SETD1A: variants seen among roughly 807,000 people sequenced by gnomAD.
The protein encoded by SETD1A is histone-lysine N-methyltransferase SETD1A.
A neutral mutation model predicts 149.9 loss-of-function variants in SETD1A; 29 were observed. The observed-to-expected ratio is 0.19, with a 90% confidence interval of 0.14 to 0.26. The LOEUF is 0.26. Ranked by LOEUF, SETD1A falls within the 10% of genes least tolerant of loss-of-function variation. The pLI is 1.00. For missense variants in SETD1A, 2,109 were observed against 2,353.1 expected (o/e 0.90, Z 2.15); for synonymous variants, 1,141 against 968.5 (o/e 1.18, Z -3.31).
chr16:30,979,988 G>GGCCC lies in SETD1A; in HGVS notation c.4202_4203insGCCC (p.Arg1402ProfsTer20). ...AGCCTCCGCTCCCACGCCCGGCGCC[G>GGCCC]CCGCCCTCCGCCCCCACCCCCGCCG... On this transcript the variant is annotated frameshift_variant, in exon 14 of 19. Coordinates refer to ENST00000262519, the MANE Select transcript of SETD1A (RefSeq NM_014712.3). LOFTEE classifies it high-confidence loss of function. 1 of 1,494,244 alleles carries GGCCC rather than the reference G, an allele frequency of 6.7e-7. No individual in the cohort carries two copies. Among genetic ancestry groups the GGCCC allele is most frequent in the Non-Finnish European group, 8.9e-7 (1 of 1,126,962 alleles). 92.6% of individuals were successfully genotyped at this position (1,494,244 alleles called of 1,614,324 possible).
intron 2 of SETD1A, 44 bp downstream of exon 2, chr16:30,958,925 G>T: frequency 1.2e-6 from 2 of 1,609,090 alleles, no homozygotes; most frequent in South Asian, 2.2e-5. Context: ...AGCTCCAGGC[G>T]CCCGTCCTCT....
At chr16:30,960,932 A>G (rs1433227053) in intron 3 of SETD1A, among the ~76,000 whole-genome samples, 3 of 151,276 alleles carry the variant, frequency 2.0e-5, no homozygotes, top group African/African-American at 4.9e-5. Context: ...TAGTAGAGAC[A>G]GGGTTTTATC....
At position 30,964,824 on chromosome 16, in the gene SETD1A, G is replaced by C; in HGVS notation, c.1082G>C (p.Ser361Thr). Residue 361 changes from serine (S) to threonine (T), a missense_variant, in exon 7 of 19, where the codon AGT (serine) becomes ACT (threonine). Physicochemically the swap from Ser to Thr is moderately conservative, Grantham distance 58. Coordinates refer to ENST00000262519, the MANE Select transcript of SETD1A (RefSeq NM_014712.3). ...TCCTCCTCGTCCTCTCAGTTTCGTAGTTCTGATGCAAACTACCCAGCGTAT... is the reference window on the plus strand; with the variant it reads ...TCCTCCTCGTCCTCTCAGTTTCGTACTTCTGATGCAAACTACCCAGCGTAT... ...SSSSSSSQFR[S>T]SDANYPAYYE... The C allele has an allele frequency of 6.2e-7, 1 of 1,614,096 alleles. No homozygotes were observed. The highest frequency in any genetic ancestry group is 8.5e-7 in the Non-Finnish European group (1 of 1,180,014).
In SETD1A at chr16:30,980,709, C is replaced by T; in HGVS notation, c.4582-30C>T. Reference sequence around the variant, plus strand: ...TCCTGCCACTCACTTCCCTGCCCTGCTCACCTCCTCCCTGCCGTGTGTCTC... The same window carrying T: ...TCCTGCCACTCACTTCCCTGCCCTGTTCACCTCCTCCCTGCCGTGTGTCTC... On this transcript the variant is annotated intron_variant, in intron 15 of 18. Coordinates refer to ENST00000262519, the MANE Select transcript of SETD1A (RefSeq NM_014712.3). The surrounding 1 kb of genome is among the most constrained non-coding windows in gnomAD (Gnocchi z 7.7). 6.2e-7 allele frequency: 1 copy of T among 1,611,108 alleles called. No homozygotes were observed. The highest frequency in any genetic ancestry group is 8.5e-7 in the Non-Finnish European group (1 of 1,179,062).
chr16:30,961,564 G>A lies in SETD1A; in HGVS notation c.517+27G>A. 1 of 1,608,746 alleles carries A rather than the reference G, an allele frequency of 6.2e-7. No homozygotes were observed. ...TGAGGACTCCTCTGCCTGCCACTCA[G>A]GCTTGGCCTCCAGCGGAGGTTGTAC... On this transcript the variant is annotated intron_variant, in intron 4 of 18. Transcript: ENST00000262519. This position sits in a 1 kb window ranked among gnomAD's most constrained non-coding sequence, Gnocchi z 4.0.
rs150728823 is a variant in SETD1A at position 30,979,644 on chromosome 16, C to A, written c.3858C>A (p.Ala1286=). 2 of 1,610,210 alleles carry A rather than the reference C, an allele frequency of 1.2e-6. No homozygotes were observed. The highest frequency in any genetic ancestry group is 1.7e-6 in the Non-Finnish European group (2 of 1,179,722). The part of the protein sequence containing the change: ...DSEATETSDE[A]ERPRPLLSHI... Reference sequence around the variant, plus strand: ...AGGCCACAGAGACATCGGACGAGGCCGAGCGCCCTAGGCCCCTGCTCAGCC... The same window carrying A: ...AGGCCACAGAGACATCGGACGAGGCAGAGCGCCCTAGGCCCCTGCTCAGCC... The change falls in exon 14 of 19, where the codon GCC becomes GCA. Residue 1286 remains alanine, a synonymous_variant. Transcript: ENST00000262519.
chr16:30,965,092 C>A lies in SETD1A; in HGVS notation c.1350C>A (p.Ser450Arg). ...GAGGCGGGGGTGGAGGAGGGCCCAG[C>A]CCTGAGAGAGAAGAAGTTCGGACTT... The part of the protein sequence containing the change: ...PGGGGGGGGP[S>R]PEREEVRTSP... The change falls in exon 7 of 19, where the codon AGC (serine) becomes AGA (arginine). Residue 450 changes from serine to arginine, a missense_variant. By Grantham distance (110) the Ser-to-Arg change is moderately radical (BLOSUM62 -1). This residue lies in a region of SETD1A where 410 missense variants were observed against 394.8 expected (regional missense o/e 1.04). Coordinates refer to ENST00000262519, the MANE Select transcript of SETD1A (RefSeq NM_014712.3). 1 of 1,611,482 alleles carries A rather than the reference C, an allele frequency of 6.2e-7. No homozygotes were observed. Among genetic ancestry groups the A allele is most frequent in the Non-Finnish European group, 8.5e-7 (1 of 1,179,868 alleles).
chr16:30,963,064 G>A (rs923197247), intron 4 of SETD1A, among the ~76,000 whole-genome samples: 1 of 152,222 alleles, frequency 6.6e-6, no homozygotes, highest in Non-Finnish European at 1.5e-5. Flanking sequence ...TAAAGAGCAT[G>A]GGGTGATCGA....
chr16:30,970,328 T>C (rs1205712795), intron 12 of SETD1A, among the ~76,000 whole-genome samples: 1 of 148,016 alleles, frequency 6.8e-6, no homozygotes. Context: ...AGTGCAGTGA[T>C]GTGATCTTGG....
chr16:30,972,747 G>A (rs759814887), intron 13 of SETD1A, among the ~76,000 whole-genome samples: 6 of 151,704 alleles, frequency 4.0e-5, no homozygotes, highest in Non-Finnish European at 7.4e-5. Flanking sequence ...CCAGCTGCTC[G>A]GGAGGCTGAG....
Position 30,979,229 on chromosome 16 carries a change from A to T in SETD1A, c.3443A>T (p.Asp1148Val). ...AGPPAPAPRP[D>V]ERPSSPIPLL... ...CCCCCGGCCCCTGCCCCACGCCCCG[A>T]TGAGCGTCCCTCTTCTCCCATCCCC... Residue 1148 changes from aspartate (D) to valine (V), a missense_variant, in exon 14 of 19, where the codon GAT (aspartate) becomes GTT (valine). Asp to Val is a radical substitution (Grantham distance 152). Transcript: ENST00000262519. The T allele has an allele frequency of 2.4e-6, 3 of 1,275,224 alleles. No homozygotes were observed. The highest frequency in any genetic ancestry group is 7.6e-5 in the East Asian group (2 of 26,292). 79.0% of individuals were successfully genotyped at this position (1,275,224 alleles called of 1,614,324 possible).
chr16:30,964,518 G>T, intron 6 of SETD1A, 94 bp from the exon 7 acceptor site: 1 of 1,538,042 alleles, frequency 6.5e-7, no homozygotes, highest in East Asian at 2.3e-5. Flanking sequence ...TCTTTTGGAG[G>T]GCAGCATAGA....
chr16:30,972,790 G>T (rs939423796), intron 13 of SETD1A, among the ~76,000 whole-genome samples: 1 of 151,048 alleles, frequency 6.6e-6, no homozygotes, highest in East Asian at 1.9e-4. Context: ...GGAGGCAGAG[G>T]TTGTAGTGAG....
At chr16:30,973,046 C>G (rs1352901147) in intron 13 of SETD1A, among the ~76,000 whole-genome samples, 1 of 152,090 alleles carries the variant, frequency 6.6e-6, no homozygotes, top group Non-Finnish European at 1.5e-5. Flanking sequence ...GGCCCTCCAG[C>G]AGGGGAAGCA....
intron 1 of SETD1A, 30 bp from the exon 2 acceptor site, chr16:30,958,687 C>T (rs367852886): frequency 3.1e-6 from 5 of 1,601,742 alleles, no homozygotes; most frequent in East Asian, 2.2e-5. Flanking sequence ...AAGTCCTGAT[C>T]CTTCTTGCGT....
Position 30,984,011 on chromosome 16 carries a change from C to T in SETD1A, c.5112C>T (p.Gly1704=). Residue 1704 remains glycine (G), a synonymous_variant, in exon 19 of 19, where the codon GGC becomes GGT. Coordinates refer to ENST00000262519, the MANE Select transcript of SETD1A (RefSeq NM_014712.3). ...TGTGTGGCACAGAGAGCTGCCGGGG[C>T]TCCCTAAACTGAGGTGGGGCAGGAT... ...PCLCGTESCR[G]SLN is the part of the protein sequence containing the mutation. The T allele has an allele frequency of 6.2e-7, 1 of 1,612,614 alleles. No individual in the cohort carries two copies. Among genetic ancestry groups the T allele is most frequent in the Non-Finnish European group, 8.5e-7 (1 of 1,179,274 alleles).
rs2056429225 is a variant in SETD1A, at chr16:30,984,494, C to G, written c.*471C>G. On this transcript the variant is annotated 3_prime_UTR_variant, in exon 19 of 19. Coordinates refer to ENST00000262519, the MANE Select transcript of SETD1A (RefSeq NM_014712.3). ...CTCCGTGCCTGGAACCCTGCCTCATCTGTTCCTGCCAGACCCTGAGGGTCA... is the reference window on the plus strand; with the variant it reads ...CTCCGTGCCTGGAACCCTGCCTCATGTGTTCCTGCCAGACCCTGAGGGTCA... The G allele has an allele frequency of 6.1e-6, 1 of 164,472 alleles. No individual in the cohort carries two copies. 10.2% of individuals were successfully genotyped at this position (164,472 alleles called of 1,614,324 possible).
In SETD1A at chr16:30,961,548, C is replaced by A; in HGVS notation, c.517+11C>A. Reference sequence around the variant, plus strand: ...AGCTTGACATCAAAGGTGAGGACTCCTCTGCCTGCCACTCAGGCTTGGCCT... The same window carrying A: ...AGCTTGACATCAAAGGTGAGGACTCATCTGCCTGCCACTCAGGCTTGGCCT... On this transcript the variant is annotated intron_variant, in intron 4 of 18. Coordinates refer to ENST00000262519, the MANE Select transcript of SETD1A (RefSeq NM_014712.3). This position sits in a 1 kb window ranked among gnomAD's most constrained non-coding sequence, Gnocchi z 4.0. The A allele has an allele frequency of 1.9e-6, 3 of 1,611,552 alleles. No homozygotes were observed. The highest frequency in any genetic ancestry group is 2.5e-6 in the Non-Finnish European group (3 of 1,179,406).
chr16:30,964,857 G>A lies in SETD1A; in HGVS notation c.1115G>A (p.Ser372Asn). Residue 372 changes from serine to asparagine, a missense_variant, in exon 7 of 19, where the codon AGC becomes AAC. Ser to Asn is a conservative substitution (Grantham distance 46, BLOSUM62 1). Around this residue, in one of 8 missense-constraint regions of SETD1A, gnomAD observed 410 missense variants for 394.8 expected, o/e 1.04. Coordinates refer to ENST00000262519, the MANE Select transcript of SETD1A (RefSeq NM_014712.3). ...SDANYPAYYE[S>N]WNRYQRHTSY... is the part of the protein sequence containing the mutation. ...GCAAACTACCCAGCGTATTATGAAA[G>A]CTGGAATCGCTACCAGCGCCATACT... 1 of 1,614,210 alleles carries A rather than the reference G, an allele frequency of 6.2e-7. No individual in the cohort carries two copies. The highest frequency in any genetic ancestry group is 2.2e-5 in the East Asian group (1 of 44,886).
Sources: gnomAD v4.1 joint callset for allele counts (sites outside exome capture counted in the v4.1 genomes callset) on GRCh38, gnomAD v4.1.1 for gene constraint, gnomAD v4.1.1 regional missense constraint, Gnocchi (gnomAD v3.1) non-coding constraint, MANE v1.5 for transcripts, NCBI Gene and HGNC (gene_info 2026-07-23, HGNC 2026-07-21) for gene names.